Variants in ALDH7A1 observed in about 807,000 individuals in gnomAD.
ALDH7A1 encodes the protein aldehyde dehydrogenase 7 family member A1.
A neutral mutation model predicts 79.9 loss-of-function variants in ALDH7A1; 63 were observed. That is an observed-to-expected ratio of 0.79 (90% CI 0.64 to 0.97). The LOEUF is 0.97. Ranked by LOEUF, ALDH7A1 falls within the 50% of genes least tolerant of loss-of-function variation. ALDH7A1 has a pLI of 0.00. For synonymous variants in ALDH7A1, 240 were observed against 231.2 expected (o/e 1.04, Z -0.34); for missense variants, 627 against 665.2 (o/e 0.94, Z 0.63).
chr5:126,590,768 T>G (rs1581403906), intron 3 of ALDH7A1, among the ~76,000 whole-genome samples: 1 of 151,362 alleles, frequency 6.6e-6, no homozygotes, highest in Non-Finnish European at 1.5e-5. Context: ...GTACGTGTAA[T>G]CCCAGCCACT....
Position 126,555,954 on chromosome 5 carries a change from A to G in ALDH7A1, c.1070T>C (p.Ile357Thr), listed in dbSNP as rs774055048. ...VNRLKKAYAQ[I>T]RVGNPWDPNV... ...ACGGTCCCATGGGTTCCCAACTCGG[A>G]TCTGTGCATAGGCCTTTTTAAGTCT... The change falls in exon 12 of 18, where the codon ATC (isoleucine) becomes ACC (threonine). Residue 357 changes from isoleucine to threonine, a missense_variant. Ile to Thr is a moderately conservative substitution (Grantham distance 89). Coordinates refer to ENST00000409134, the MANE Select transcript of ALDH7A1 (RefSeq NM_001182.5). 6.2e-7 allele frequency: 1 copy of G among 1,613,570 alleles called. No homozygotes were observed. The highest frequency in any genetic ancestry group is 8.5e-7 in the Non-Finnish European group (1 of 1,179,622).
intron 8 of ALDH7A1, chr5:126,568,574 G>T (rs1416850166): frequency 1.8e-6 from 1 of 553,884 alleles, no homozygotes; most frequent in Admixed American, 3.0e-5. Flanking sequence ...GTGAGCATTT[G>T]AATAGAAATC....
rs1012843515 is a variant in ALDH7A1 at position 126,542,093 on chromosome 5, T to C, written c.*2872A>G. On this transcript the variant is annotated 3_prime_UTR_variant, in exon 18 of 18. Coordinates refer to ENST00000409134, the MANE Select transcript of ALDH7A1 (RefSeq NM_001182.5). ...GGTTTCGTTTGGTTTTCTTTTAATT[T>C]CCTCCAAAACAATCATTGGCAGGAA... The C allele has an allele frequency of 2.7e-5, 4 of 148,406 alleles. No individual in the cohort carries two copies. The highest frequency in any genetic ancestry group is 9.9e-5 in the African/African-American group (4 of 40,236). The allele number at this position is 148,406 out of a possible 1,614,324, so 9.2% of individuals were successfully genotyped here. A position where few individuals can be genotyped will look rare whatever the true frequency, so the allele number is the denominator to read the frequency against.
chr5:126,594,102 C>A (rs1316035984), intron 1 of ALDH7A1: 4 of 409,970 alleles, frequency 9.8e-6, no homozygotes. Context: ...GCGATAATAA[C>A]CTTACCTTTC....
intron 17 of ALDH7A1, among the ~76,000 whole-genome samples, chr5:126,545,779 A>C (rs983067295): frequency 4.0e-5 from 6 of 150,418 alleles, no homozygotes; most frequent in African/African-American, 1.5e-4. Flanking sequence ...GTGACAGAGC[A>C]AGACTCCATC....
intron 5 of ALDH7A1, chr5:126,581,246 A>C (rs542071416): frequency 6.6e-6 from 1 of 152,138 alleles, no homozygotes; most frequent in Admixed American, 6.6e-5. Flanking sequence ...CTACATATAC[A>C]TCATTTGGAA....
Position 126,568,363 on chromosome 5 carries a change from G to T in ALDH7A1, c.774-7C>A, listed in dbSNP as rs1343919588. The stretch of plus-strand genomic sequence containing the variant: ...ATCTTTGGCCATTGCTGTGCTGCAA[G>T]GGAACAGACACGGTCGGCCACCCAA... On this transcript the variant is annotated splice_polypyrimidine_tract_variant and splice_region_variant and intron_variant, in intron 8 of 17. Coordinates refer to ENST00000409134, the MANE Select transcript of ALDH7A1 (RefSeq NM_001182.5). The T allele has an allele frequency of 1.2e-6, 2 of 1,613,494 alleles. No homozygotes were observed. Among genetic ancestry groups the T allele is most frequent in the African/African-American group, 2.7e-5 (2 of 74,898 alleles).
At chr5:126,546,729 A>G (rs1749800124) in intron 16 of ALDH7A1, among the ~76,000 whole-genome samples, 1 of 151,420 alleles carries the variant, frequency 6.6e-6, no homozygotes, top group Non-Finnish European at 1.5e-5. Context: ...CACACATGTT[A>G]TTCATAGTTT....
At position 126,585,094 on chromosome 5, in the gene ALDH7A1, T is replaced by TC. The variant is rs1209441441; in HGVS notation, c.313-1083dup. On this transcript the variant is annotated intron_variant, in intron 3 of 17. Coordinates refer to ENST00000409134, the MANE Select transcript of ALDH7A1 (RefSeq NM_001182.5). The stretch of plus-strand genomic sequence containing the variant: ...AGGTGGATCACTTGGGGTCAGGAGT[T>TC]CAAGACGAGCCTGGCCAACATGGTG... Among the ~76,000 whole-genome samples the TC allele has an allele frequency of 5.3e-5, 8 of 152,138 alleles. No individual in the cohort carries two copies. In the East Asian group the frequency reaches 1.6e-3, roughly 30 times the overall value.
intron 4 of ALDH7A1, among the ~76,000 whole-genome samples, chr5:126,583,505 A>C (rs187537784): frequency 6.7e-6 from 1 of 149,864 alleles, no homozygotes; most frequent in African/African-American, 2.4e-5. Context: ...TAAATAAATA[A>C]ATAATAAAAT....
At chr5:126,553,686 G>A (rs1682741477) in intron 13 of ALDH7A1, among the ~76,000 whole-genome samples, 1 of 151,936 alleles carries the variant, frequency 6.6e-6, no homozygotes, top group African/African-American at 2.4e-5. Flanking sequence ...ACTCCAGCCT[G>A]GGCAACAGAG....
intron 3 of ALDH7A1, chr5:126,592,363 A>G: frequency 2.8e-6 from 1 of 353,776 alleles, no homozygotes; most frequent in Non-Finnish European, 5.1e-6. Context: ...TTAATTATAA[A>G]TTCAAGTAAT....
chr5:126,589,276 G>A (rs1241203968), intron 3 of ALDH7A1, among the ~76,000 whole-genome samples: 1 of 151,960 alleles, frequency 6.6e-6, no homozygotes, highest in East Asian at 1.9e-4. Flanking sequence ...TCCTGCCTCA[G>A]CCTCCCAAGT....
intron 3 of ALDH7A1, chr5:126,588,142 A>T (rs1751417727): frequency 6.6e-6 from 1 of 152,192 alleles, no homozygotes; most frequent in African/African-American, 2.4e-5. Context: ...TTTAAGAAAG[A>T]TCATAATGTC....
chr5:126,574,870 C>T lies in ALDH7A1; in HGVS notation c.695+550G>A, dbSNP rs79473220. Among the ~76,000 whole-genome samples the T allele has an allele frequency of 6.6e-3, 1,002 of 152,256 alleles. 11 individuals carry two copies. Among genetic ancestry groups the T allele is most frequent in the African/African-American group, 0.023 (962 of 41,544 alleles). ...AAGGCACCCTAACTCTATACATCCT[C>T]CAAATTCCAGAATGACAAATCAGTC... On this transcript the variant is annotated intron_variant, in intron 7 of 17. Coordinates refer to ENST00000409134, the MANE Select transcript of ALDH7A1 (RefSeq NM_001182.5).
At chr5:126,561,053 A>G (rs773273616) in intron 10 of ALDH7A1, 30 bp downstream of exon 10, 16 of 1,612,828 alleles carry the variant, frequency 9.9e-6, no homozygotes, top group Non-Finnish European at 1.3e-5. Context: ...ACTGAACAGA[A>G]AACAAACAAA....
Position 126,593,378 on chromosome 5 carries a change from G to A in ALDH7A1, c.219C>T (p.Asn73=). The A allele has an allele frequency of 6.2e-7, 1 of 1,612,826 alleles. No individual in the cohort carries two copies. Among genetic ancestry groups the A allele is most frequent in the South Asian group, 1.1e-5 (1 of 91,040 alleles). Residue 73 remains asparagine, a synonymous_variant, in exon 2 of 18, where the codon AAC becomes AAT. Coordinates refer to ENST00000409134, the MANE Select transcript of ALDH7A1 (RefSeq NM_001182.5). ...GEVITTYCPA[N]NEPIARVRQA... is the part of the protein sequence containing the mutation. ...GTCGGACTCTTGCTATTGGCTCGTT[G>A]TTAGCAGGGCAATAGGTCGTAATAA...
At chr5:126,554,092 G>GT (rs1750092433) in intron 13 of ALDH7A1, among the ~76,000 whole-genome samples, 195 bp downstream of exon 13, 1 of 152,196 alleles carries the variant, frequency 6.6e-6, no homozygotes, top group Non-Finnish European at 1.5e-5. Flanking sequence ...TGGGCACAGA[G>GT]TAAGACTCTG....
chr5:126,561,234 T>A (rs1229373612), intron 9 of ALDH7A1, 110 bp from the exon 10 acceptor site: 2 of 823,214 alleles, frequency 2.4e-6, no homozygotes, highest in Admixed American at 5.6e-5. Flanking sequence ...TCCAATTATT[T>A]TTTATATAGC....
Sources: allele counts gnomAD v4.1 joint callset (sites outside exome capture counted in the v4.1 genomes callset), GRCh38; gene constraint gnomAD v4.1.1; transcripts MANE v1.5; gene names NCBI Gene and HGNC (gene_info 2026-07-23, HGNC 2026-07-21).